Variants in LMO7 observed in about 807,000 individuals in gnomAD.
LMO7 encodes LIM domain 7, also known as LIM domain only protein 7.
A neutral mutation model predicts 206.5 loss-of-function variants in LMO7; 120 were observed. The ratio of observed to expected loss-of-function variants is 0.58; its 90% confidence interval spans 0.50 to 0.68. The LOEUF (loss-of-function observed/expected upper bound fraction) is 0.68, where lower values mean the gene tolerates loss of function less well. Among genes scored for constraint, LMO7 ranks in the 30% least tolerant of loss-of-function variants. The probability of loss-of-function intolerance (pLI) is 0.00; values close to 1 mark genes in which losing one functional copy is unlikely to be tolerated. For synonymous variants in LMO7, 706 were observed against 681.5 expected (o/e 1.04, Z -0.56); for missense variants, 1,959 against 1,957.9 (o/e 1.00, Z -0.01).
intron 1 of LMO7, among the ~76,000 whole-genome samples, chr13:75,706,043 A>G (rs55677829): frequency 0.016 from 2,464 of 152,304 alleles, 36 homozygotes; most frequent in Non-Finnish European, 0.024. Flanking sequence ...GGGTCAGGCA[A>G]GTGCTAAGTG....
chr13:75,770,178 AT>A (rs35265420), intron 4 of LMO7, among the ~76,000 whole-genome samples: 1 of 146,534 alleles, frequency 6.8e-6, no homozygotes, highest in Admixed American at 6.8e-5. Context: ...TTGGTGATGA[AT>A]TTTTTTTTTT....
chr13:75,732,679 T>C (rs955138236), intron 3 of LMO7, among the ~76,000 whole-genome samples: 4 of 152,196 alleles, frequency 2.6e-5, no homozygotes, highest in East Asian at 3.9e-4. Flanking sequence ...GAACTGCGTT[T>C]CTTTGGAGGA....
intron 1 of LMO7, among the ~76,000 whole-genome samples, chr13:75,680,907 G>A (rs988388118): frequency 1.3e-5 from 2 of 151,958 alleles, no homozygotes; most frequent in African/African-American, 2.4e-5. Context: ...TTCGCATTTC[G>A]CTAATCATCA....
At chr13:75,627,743 A>G (rs141327349) in intron 2 of LMO7, 32 of 152,262 alleles carry the variant, frequency 2.1e-4, no homozygotes, top group African/African-American at 6.3e-4. Context: ...AGAGAAGCTT[A>G]GTAAACATAC....
At chr13:75,776,337 A>T (rs2050496211) in intron 4 of LMO7, among the ~76,000 whole-genome samples, 1 of 150,760 alleles carries the variant, frequency 6.6e-6, no homozygotes, top group Non-Finnish European at 1.5e-5. Flanking sequence ...CTGTATAGTC[A>T]TTTCCCTTGC....
At chr13:75,664,330 G>C (rs547520766) in intron 1 of LMO7, among the ~76,000 whole-genome samples, 2 of 152,120 alleles carry the variant, frequency 1.3e-5, no homozygotes, top group African/African-American at 2.4e-5. Flanking sequence ...ATGATCTCCA[G>C]TTCCATCCAT....
chr13:75,821,668 G>T lies in LMO7; in HGVS notation c.2640+59G>T, dbSNP rs763855603. The T allele has an allele frequency of 3.8e-5, 47 of 1,247,966 alleles. 1 individual carries two copies. The highest frequency in any genetic ancestry group is 5.1e-5 in the Non-Finnish European group (45 of 882,430). The allele number at this position is 1,247,966 out of a possible 1,614,324, so 77.3% of individuals were successfully genotyped here. On this transcript the variant is annotated intron_variant, in intron 14 of 30. Coordinates refer to ENST00000377534, the MANE Select transcript of LMO7 (RefSeq NM_001306080.2). Reference sequence around the variant, plus strand: ...TGAAGAGCAAAATGTTGGTGAACTTGTGCAGAGGTTGGGGTTACATCAACT... The same window carrying T: ...TGAAGAGCAAAATGTTGGTGAACTTTTGCAGAGGTTGGGGTTACATCAACT...
intron 26 of LMO7, among the ~76,000 whole-genome samples, chr13:75,847,819 T>C (rs1478810668): frequency 6.6e-6 from 1 of 152,220 alleles, no homozygotes; most frequent in East Asian, 1.9e-4. Flanking sequence ...GGTGTGGCTC[T>C]GGCTGTGGAA....
At chr13:75,661,103 A>C (rs1004843537) in intron 1 of LMO7, among the ~76,000 whole-genome samples, 4 of 152,212 alleles carry the variant, frequency 2.6e-5, no homozygotes, top group Non-Finnish European at 5.9e-5. Flanking sequence ...ATATTATCTT[A>C]CTACTTTCTT....
intron 1 of LMO7, among the ~76,000 whole-genome samples, chr13:75,662,031 A>T (rs2038656732): frequency 6.6e-6 from 1 of 152,200 alleles, no homozygotes; most frequent in African/African-American, 2.4e-5. Flanking sequence ...TAGGTAAAAA[A>T]GTGACAGTTT....
At position 75,805,619 on chromosome 13, in the gene LMO7, G is replaced by C. The variant is rs1211852622; in HGVS notation, c.1055G>C (p.Arg352Pro). Residue 352 changes from arginine (R) to proline (P), a missense_variant, in exon 9 of 31, where the codon CGC becomes CCC. Arg to Pro is a moderately radical substitution (Grantham distance 103). Transcript: ENST00000377534. Reference sequence around the variant, plus strand: ...ATTGTAAAGGATGATCTTTATGTGCGCAAGCTCAGTCCAGTCATGCCAAAC... The same window carrying C: ...ATTGTAAAGGATGATCTTTATGTGCCCAAGCTCAGTCCAGTCATGCCAAAC... The part of the protein sequence containing the change: ...PNIVKDDLYV[R>P]KLSPVMPNPG... 3.7e-6 allele frequency: 6 copies of C among 1,613,942 alleles called. No homozygotes were observed. The East Asian group carries it at 1.3e-4, about 36-fold the overall frequency.
At chr13:75,742,800 G>C (rs116719201) in intron 3 of LMO7, among the ~76,000 whole-genome samples, 8 of 152,154 alleles carry the variant, frequency 5.3e-5, no homozygotes, top group Non-Finnish European at 7.3e-5. Flanking sequence ...TAACATTCTG[G>C]ACATAGGCAT....
intron 3 of LMO7, among the ~76,000 whole-genome samples, chr13:75,740,432 T>C (rs1411046428): frequency 6.6e-6 from 1 of 152,228 alleles, no homozygotes; most frequent in African/African-American, 2.4e-5. Flanking sequence ...CCAGCCTGGG[T>C]GACAGAGTGA....
intron 12 of LMO7, among the ~76,000 whole-genome samples, chr13:75,819,075 TG>T (rs1340763912): frequency 6.6e-6 from 1 of 152,242 alleles, no homozygotes; most frequent in Non-Finnish European, 1.5e-5. Context: ...GAAAACGAAC[TG>T]GAAACAGTTC....
chr13:75,794,345 T>C (rs542435916), intron 4 of LMO7, among the ~76,000 whole-genome samples: 1 of 152,320 alleles, frequency 6.6e-6, no homozygotes, highest in South Asian at 2.1e-4. Context: ...AGGTGCATGC[T>C]CTTCTTAGGT....
At chr13:75,847,622 C>A (rs972949295) in intron 26 of LMO7, among the ~76,000 whole-genome samples, 1 of 152,206 alleles carries the variant, frequency 6.6e-6, no homozygotes, top group Non-Finnish European at 1.5e-5. Flanking sequence ...GAGAAGAAAA[C>A]TCCCTGTTTC....
intron 20 of LMO7, 29 bp downstream of exon 20, chr13:75,838,225 C>T: frequency 1.3e-6 from 2 of 1,579,860 alleles, no homozygotes; most frequent in Non-Finnish European, 1.7e-6. Context: ...AATTCATGCA[C>T]TTTCATGGAA....
intron 2 of LMO7, among the ~76,000 whole-genome samples, chr13:75,722,784 AG>A (rs1386061308): frequency 1.3e-5 from 2 of 152,214 alleles, no homozygotes; most frequent in Non-Finnish European, 2.9e-5. Flanking sequence ...TCAATCAATG[AG>A]TGGATAAAGA....
At chr13:75,751,939 T>A (rs2047304252) in intron 3 of LMO7, among the ~76,000 whole-genome samples, 1 of 152,156 alleles carries the variant, frequency 6.6e-6, no homozygotes, top group Non-Finnish European at 1.5e-5. Flanking sequence ...TTTTTGATCC[T>A]TCAAGTAAAA....
Sources: allele counts gnomAD v4.1 joint callset (sites outside exome capture counted in the v4.1 genomes callset), GRCh38; gene constraint gnomAD v4.1.1; transcripts MANE v1.5; gene names NCBI Gene and HGNC (gene_info 2026-07-23, HGNC 2026-07-21).